Variants in SLC35E3 observed in about 807,000 individuals in gnomAD.
SLC35E3 encodes the protein bladder cancer-overexpressed gene 1 protein.
In SLC35E3, 28 loss-of-function variants were observed where a neutral mutation model predicts 30.8. The ratio of observed to expected loss-of-function variants is 0.91; its 90% confidence interval spans 0.67 to 1.25. The LOEUF (loss-of-function observed/expected upper bound fraction) is 1.25, where lower values mean the gene tolerates loss of function less well. Among genes scored for constraint, SLC35E3 ranks in the 50% most tolerant of loss-of-function variants. The pLI is 0.00. For synonymous variants in SLC35E3, 146 were observed against 149.2 expected (o/e 0.98, Z 0.16); for missense variants, 365 against 375.4 (o/e 0.97, Z 0.23).
At position 68,756,657 on chromosome 12, in the gene SLC35E3, A is replaced by G. The variant is rs74802152; in HGVS notation, c.673-2500A>G. Among the ~76,000 whole-genome samples, 168 of 152,320 alleles carry G rather than the reference A, an allele frequency of 1.1e-3. 6 individuals are homozygous for G. The East Asian group carries it at 0.029, about 26-fold the overall frequency. On this transcript the variant is annotated intron_variant, in intron 3 of 4. Transcript: ENST00000398004. ...ACCAGGGATGTGGGGATGGTTTAACATACAAAAGTCAATAAATGTGATACA... is the reference window on the plus strand; with the variant it reads ...ACCAGGGATGTGGGGATGGTTTAACGTACAAAAGTCAATAAATGTGATACA...
At chr12:68,760,950 G>A (rs1879215149) in intron 4 of SLC35E3, among the ~76,000 whole-genome samples, 1 of 152,240 alleles carries the variant, frequency 6.6e-6, no homozygotes, top group Non-Finnish European at 1.5e-5. Flanking sequence ...GGCAGGGCTA[G>A]TCAGGAAGGC....
At chr12:68,749,130 C>T (rs888792841) in intron 2 of SLC35E3, among the ~76,000 whole-genome samples, 4 of 152,182 alleles carry the variant, frequency 2.6e-5, no homozygotes, top group Non-Finnish European at 4.4e-5. Context: ...AGAGTACTCA[C>T]CATCTCTGTC....
chr12:68,762,699 A>C (rs1879266584), intron 4 of SLC35E3, among the ~76,000 whole-genome samples: 1 of 152,248 alleles, frequency 6.6e-6, no homozygotes, highest in Non-Finnish European at 1.5e-5. Context: ...GGAGTAAAGA[A>C]ATTTAAAGTG....
rs1392373218 is a variant in SLC35E3 at position 68,768,286 on chromosome 12, T to C, written c.*3396T>C. On this transcript the variant is annotated 3_prime_UTR_variant, in exon 5 of 5. Coordinates refer to ENST00000398004, the MANE Select transcript of SLC35E3 (RefSeq NM_018656.5). ...CCTGGGTGACGAGAGTGAAACTCTGTCTCAAAAAAAGAAAAAAAAAAAGAA... is the reference window on the plus strand; with the variant it reads ...CCTGGGTGACGAGAGTGAAACTCTGCCTCAAAAAAAGAAAAAAAAAAAGAA... 1 of 149,592 alleles carries C rather than the reference T, an allele frequency of 6.7e-6. No homozygotes were observed. The highest frequency in any genetic ancestry group is 2.5e-5 in the African/African-American group (1 of 40,804). 9.3% of individuals were successfully genotyped at this position (149,592 alleles called of 1,614,324 possible).
chr12:68,756,241 A>G (rs999348600), intron 3 of SLC35E3, among the ~76,000 whole-genome samples: 3 of 150,162 alleles, frequency 2.0e-5, no homozygotes, highest in Non-Finnish European at 4.4e-5. Flanking sequence ...ACAAGGAGAG[A>G]GGATTTTTTT....
In SLC35E3 at chr12:68,759,203, C is replaced by A. The variant is rs187261953; in HGVS notation, c.719C>A (p.Ser240Ter). 9 of 1,613,616 alleles carry A rather than the reference C, an allele frequency of 5.6e-6. No individual in the cohort carries two copies. The highest frequency in any genetic ancestry group is 7.6e-6 in the Non-Finnish European group (9 of 1,179,698). The change falls in exon 4 of 5, where the codon TCA becomes TAA. Residue 240 changes from serine to a stop codon, truncating the protein, a stop_gained. Transcript: ENST00000398004. LOFTEE classifies it high-confidence loss of function. ...SGVIAFMVNL[S>*]IYWIIGNTSP... ...GTAATAGCTTTCATGGTGAACTTAT[C>A]AATTTATTGGATCATTGGGAACACT...
chr12:68,753,185 G>A (rs980857261), intron 3 of SLC35E3, among the ~76,000 whole-genome samples: 1 of 152,028 alleles, frequency 6.6e-6, no homozygotes. Flanking sequence ...AGGAAGCTGA[G>A]GCATGAGATT....
intron 1 of SLC35E3, among the ~76,000 whole-genome samples, chr12:68,747,523 C>A (rs1878637367): frequency 6.6e-6 from 1 of 152,294 alleles, no homozygotes; most frequent in South Asian, 2.1e-4. Flanking sequence ...CCGCCTTGGC[C>A]TCCGAAAGCG....
At position 68,771,672 on chromosome 12, in the gene SLC35E3, T is replaced by C. The variant is rs1404727160; in HGVS notation, c.*6782T>C. 3 of 151,838 alleles carry C rather than the reference T, an allele frequency of 2.0e-5. No individual in the cohort carries two copies. The highest frequency in any genetic ancestry group is 2.1e-4 in the South Asian group (1 of 4,824). 9.4% of individuals were successfully genotyped at this position (151,838 alleles called of 1,614,324 possible). A position where few individuals can be genotyped will look rare whatever the true frequency, so the allele number is the denominator to read the frequency against. ...CTGTCTCTACAAAAAATACAATAAT[T>C]AATAGTTTCGAAAGAAAGAAACCTG... On this transcript the variant is annotated 3_prime_UTR_variant, in exon 5 of 5. Coordinates refer to ENST00000398004, the MANE Select transcript of SLC35E3 (RefSeq NM_018656.5).
At position 68,764,910 on chromosome 12, in the gene SLC35E3, A is replaced by C. The variant is rs1421052068; in HGVS notation, c.*20A>C. Reference sequence around the variant, plus strand: ...CCTTAATTGGGTTTTTGTGGAGAAAAGAATGTTGTCCCAAGAAGATAAAAA... The same window carrying C: ...CCTTAATTGGGTTTTTGTGGAGAAACGAATGTTGTCCCAAGAAGATAAAAA... On this transcript the variant is annotated 3_prime_UTR_variant, in exon 5 of 5. Transcript: ENST00000398004. 6.2e-7 allele frequency: 1 copy of C among 1,608,134 alleles called. No homozygotes were observed. The highest frequency in any genetic ancestry group is 1.3e-5 in the African/African-American group (1 of 74,644).
In SLC35E3 at chr12:68,754,737, C is replaced by A. The variant is rs181773265; in HGVS notation, c.672+2547C>A. ...AAATGAGTCCCAGGAGTGGAATTGGCAAATCAAGGGCATATGTATTTTGGG... is the reference window on the plus strand; with the variant it reads ...AAATGAGTCCCAGGAGTGGAATTGGAAAATCAAGGGCATATGTATTTTGGG... On this transcript the variant is annotated intron_variant, in intron 3 of 4. Transcript: ENST00000398004. 8.5e-5 allele frequency among the ~76,000 whole-genome samples: 13 copies of A among 152,122 alleles called. No individual in the cohort carries two copies. The East Asian group carries it at 2.5e-3, about 29-fold the overall frequency.
At chr12:68,761,962 T>A (rs1176121158) in intron 4 of SLC35E3, among the ~76,000 whole-genome samples, 1 of 151,754 alleles carries the variant, frequency 6.6e-6, no homozygotes, top group Non-Finnish European at 1.5e-5. Flanking sequence ...GGGGAGTATT[T>A]TGTTGTTGTT....
In SLC35E3 at chr12:68,773,002, AGCCACCCC is replaced by A. The variant is rs1424853917; in HGVS notation, c.*8119_*8126del. 1 of 152,346 alleles carries A rather than the reference AGCCACCCC, an allele frequency of 6.6e-6. No individual in the cohort carries two copies. The highest frequency in any genetic ancestry group is 2.4e-5 in the African/African-American group (1 of 41,436). The allele number at this position is 152,346 out of a possible 1,614,324, so 9.4% of individuals were successfully genotyped here. The stretch of plus-strand genomic sequence containing the variant: ...AACAAAAAGAGGAGCTAAAAGTGAA[AGCCACCCC>A]GCCACCAGCCCTCACCAGTCACAGG... On this transcript the variant is annotated 3_prime_UTR_variant, in exon 5 of 5. Coordinates refer to ENST00000398004, the MANE Select transcript of SLC35E3 (RefSeq NM_018656.5).
intron 4 of SLC35E3, among the ~76,000 whole-genome samples, chr12:68,761,412 A>T (rs1403085096): frequency 6.6e-6 from 1 of 152,192 alleles, no homozygotes; most frequent in Non-Finnish European, 1.5e-5. Flanking sequence ...AAAATAAATC[A>T]TAGAATCACT....
At position 68,776,212 on chromosome 12, in the gene SLC35E3, CA is replaced by C. The variant is rs747047190; in HGVS notation, c.*11336del. ...GTGACAAGAGCAAAACTCTGTCTCA[CA>C]AAAAAAAAAAAAAGGCCAGGCATGA... On this transcript the variant is annotated 3_prime_UTR_variant, in exon 5 of 5. Coordinates refer to ENST00000398004, the MANE Select transcript of SLC35E3 (RefSeq NM_018656.5). The C allele has an allele frequency of 2.6e-3, 80 of 30,924 alleles. 4 individuals are homozygous for C. Among genetic ancestry groups the C allele is most frequent in the Admixed American group, 3.0e-3 (7 of 2,372 alleles). 1.9% of individuals were successfully genotyped at this position (30,924 alleles called of 1,614,324 possible).
At position 68,774,897 on chromosome 12, in the gene SLC35E3, A is replaced by G. The variant is rs990564404; in HGVS notation, c.*10007A>G. 2.0e-5 allele frequency: 3 copies of G among 149,700 alleles called. No individual in the cohort carries two copies. Among genetic ancestry groups the G allele is most frequent in the Non-Finnish European group, 4.5e-5 (3 of 67,134 alleles). 9.3% of individuals were successfully genotyped at this position (149,700 alleles called of 1,614,324 possible). On this transcript the variant is annotated 3_prime_UTR_variant, in exon 5 of 5. Transcript: ENST00000398004. ...GTGCGGTGGCTCACGCATAATCCCA[A>G]CACTTTGGGAGGCTGAGGTGGGTGG...
intron 3 of SLC35E3, among the ~76,000 whole-genome samples, chr12:68,755,559 T>C (rs1231600093): frequency 6.6e-6 from 1 of 152,184 alleles, no homozygotes; most frequent in Non-Finnish European, 1.5e-5. Context: ...GAAAAGAGGT[T>C]TATTTTGGCT....
At position 68,764,680 on chromosome 12, in the gene SLC35E3, TTTATCC is replaced by T. The variant is rs1879323874; in HGVS notation, c.756-17_756-12del. The T allele has an allele frequency of 6.2e-7, 1 of 1,608,792 alleles. No individual in the cohort carries two copies. The highest frequency in any genetic ancestry group is 8.5e-7 in the Non-Finnish European group (1 of 1,176,558). On this transcript the variant is annotated intron_variant, in intron 4 of 4. Coordinates refer to ENST00000398004, the MANE Select transcript of SLC35E3 (RefSeq NM_018656.5). ...ATTAACATCTATCTTGTTATTCCTT[TTTATCC>T]TTATCCAAAAACCTCAGCTATAACA...
At chr12:68,760,216 G>C (rs1879193987) in intron 4 of SLC35E3, 1 of 152,070 alleles carries the variant, frequency 6.6e-6, no homozygotes, top group African/African-American at 2.4e-5. Flanking sequence ...TATGTTAAAG[G>C]TCAAATTCAA....
Sources: allele counts gnomAD v4.1 joint callset (sites outside exome capture counted in the v4.1 genomes callset), GRCh38; gene constraint gnomAD v4.1.1; transcripts MANE v1.5; gene names NCBI Gene and HGNC (gene_info 2026-07-23, HGNC 2026-07-21).